Variants in NAALADL2 observed in about 807,000 individuals in gnomAD.
NAALADL2 encodes N-acetylated alpha-linked acidic dipeptidase like 2.
NAALADL2 carries 76 observed loss-of-function variants against 87.2 expected under a neutral mutation model. The ratio of observed to expected loss-of-function variants is 0.87; its 90% CI spans 0.72 to 1.05. The LOEUF (loss-of-function observed/expected upper bound fraction) is 1.05. NAALADL2 is among the 50% of genes least tolerant of loss of function. The pLI, the probability that NAALADL2 is intolerant of heterozygous loss-of-function variation, is 0.00. For missense variants in NAALADL2, 1,089 were observed against 945.8 expected, an observed-to-expected ratio of 1.15 and a Z score of -1.99; for synonymous variants, 354 against 331.0, an observed-to-expected ratio of 1.07 and a Z score of -0.75.
intron 1 of NAALADL2, among the ~76,000 whole-genome samples, chr3:174,944,441 GA>G (rs750113596): frequency 2.0e-5 from 3 of 152,086 alleles, no homozygotes; most frequent in Non-Finnish European, 4.4e-5. Context: ...CCTCCCCCGG[GA>G]GCTCTGTCTC....
intron 5 of NAALADL2, among the ~76,000 whole-genome samples, chr3:175,370,802 TTTCA>T (rs1422682140): frequency 3.9e-5 from 6 of 152,218 alleles, no homozygotes; most frequent in Admixed American, 3.9e-4. Context: ...ACTTTTTTTC[TTTCA>T]TTGTTTTCAA....
chr3:174,995,460 C>T (rs1024503503), intron 1 of NAALADL2, among the ~76,000 whole-genome samples: 2 of 152,106 alleles, frequency 1.3e-5, no homozygotes, highest in African/African-American at 2.4e-5. Context: ...AGCCATTTCT[C>T]CTATTGAACA....
chr3:175,429,205 A>ACT (rs1297752271), intron 5 of NAALADL2, among the ~76,000 whole-genome samples: 22 of 132,080 alleles, frequency 1.7e-4, no homozygotes, highest in Non-Finnish European at 1.0e-4. Context: ...ACACACACAC[A>ACT]CACACATATA....
chr3:175,431,273 A>C (rs1717709372), intron 5 of NAALADL2, among the ~76,000 whole-genome samples: 3 of 152,066 alleles, frequency 2.0e-5, no homozygotes, highest in Admixed American at 2.0e-4. Context: ...CAGAAATGTC[A>C]ATTTTCTTTC....
intron 11 of NAALADL2, among the ~76,000 whole-genome samples, chr3:175,722,370 A>G: frequency 6.6e-6 from 1 of 152,110 alleles, no homozygotes. Flanking sequence ...AAGTTATTCC[A>G]TGAATGACAT....
Position 175,031,811 on chromosome 3 carries a change from T to G in NAALADL2, c.44-64979T>G, listed in dbSNP as rs371703627. The stretch of plus-strand genomic sequence containing the variant: ...TTTTACTTTTTAATAATAACCATTC[T>G]GACTGGTGTGAGATGGTATCTCATT... On this transcript the variant is annotated intron_variant, in intron 1 of 13. Transcript: ENST00000454872. 6.6e-4 allele frequency among the ~76,000 whole-genome samples: 101 copies of G among 152,220 alleles called. No individual in the cohort carries two copies. In the East Asian group the frequency reaches 0.018, roughly 27 times the overall value.
chr3:175,620,209 A>G (rs1392074844), intron 10 of NAALADL2, among the ~76,000 whole-genome samples: 1 of 151,950 alleles, frequency 6.6e-6, no homozygotes. Context: ...GGCTGCTGCA[A>G]CCTCTACCTG....
intron 1 of NAALADL2, among the ~76,000 whole-genome samples, chr3:175,095,028 C>T (rs1426868150): frequency 6.6e-6 from 1 of 151,994 alleles, no homozygotes; most frequent in Non-Finnish European, 1.5e-5. Context: ...GACCCTGTGT[C>T]GTAGGGAAGT....
intron 3 of NAALADL2, among the ~76,000 whole-genome samples, chr3:174,779,566 T>C (rs945880847): frequency 1.3e-5 from 2 of 152,194 alleles, no homozygotes; most frequent in Non-Finnish European, 2.9e-5. Flanking sequence ...ATGTCCTGAA[T>C]GGTATTGCCT....
At chr3:175,533,005 A>G (rs1560714670) in intron 9 of NAALADL2, among the ~76,000 whole-genome samples, 1 of 152,250 alleles carries the variant, frequency 6.6e-6, no homozygotes, top group Non-Finnish European at 1.5e-5. Context: ...TCATTAAACC[A>G]AAGGGAGATC....
chr3:175,452,489 A>G (rs1721729057), intron 6 of NAALADL2, among the ~76,000 whole-genome samples: 1 of 152,210 alleles, frequency 6.6e-6, no homozygotes, highest in South Asian at 2.1e-4. Flanking sequence ...GGCTTTTCCA[A>G]TCAACATGGA....
At chr3:174,573,205 G>C (rs1715134512) in intron 2 of NAALADL2, among the ~76,000 whole-genome samples, 1 of 152,134 alleles carries the variant, frequency 6.6e-6, no homozygotes, top group Admixed American at 6.5e-5. Flanking sequence ...ATGTCTCACA[G>C]CTGGCAGTCT....
At chr3:175,285,890 TAAGAA>T (rs1303578503) in intron 4 of NAALADL2, among the ~76,000 whole-genome samples, 1 of 152,176 alleles carries the variant, frequency 6.6e-6, no homozygotes, top group Non-Finnish European at 1.5e-5. Flanking sequence ...TAAATTTGAT[TAAGAA>T]AATAAGTGCT....
chr3:175,368,567 G>A (rs1404840163), intron 5 of NAALADL2, among the ~76,000 whole-genome samples: 3 of 145,554 alleles, frequency 2.1e-5, no homozygotes, highest in Non-Finnish European at 3.0e-5. Context: ...TAGCAGGTGT[G>A]TGTGAGTGTG....
intron 2 of NAALADL2, among the ~76,000 whole-genome samples, chr3:175,223,131 T>G (rs1045922923): frequency 3.7e-4 from 54 of 145,370 alleles, no homozygotes; most frequent in Non-Finnish European, 6.6e-4. Context: ...TGTGTGTGTG[T>G]GGTAAGGACA....
intron 1 of NAALADL2, among the ~76,000 whole-genome samples, chr3:174,885,886 T>G (rs1011104921): frequency 1.7e-3 from 24 of 13,760 alleles, no homozygotes; most frequent in African/African-American, 4.5e-3. Flanking sequence ...GTTTTTTTTT[T>G]TTTTTTTTTT....
At chr3:175,696,244 A>C (rs1300233822) in intron 11 of NAALADL2, among the ~76,000 whole-genome samples, 1 of 152,174 alleles carries the variant, frequency 6.6e-6, no homozygotes, top group Non-Finnish European at 1.5e-5. Flanking sequence ...TGAAAGATAA[A>C]AATGAGCCAG....
intron 1 of NAALADL2, among the ~76,000 whole-genome samples, chr3:174,496,530 A>G (rs1718553063): frequency 7.0e-6 from 1 of 142,640 alleles, no homozygotes; most frequent in Admixed American, 7.3e-5. Context: ...ATATATATAT[A>G]TGTAAGAATT....
At chr3:175,417,462 A>T (rs953248500) in intron 5 of NAALADL2, among the ~76,000 whole-genome samples, 10 of 152,104 alleles carry the variant, frequency 6.6e-5, no homozygotes, top group Non-Finnish European at 1.5e-4. Flanking sequence ...ATAATTTTTT[A>T]AAACTATTTT....
Sources: gnomAD v4.1 joint callset for allele counts (sites outside exome capture counted in the v4.1 genomes callset) on GRCh38, gnomAD v4.1.1 for gene constraint, MANE v1.5 for transcripts, NCBI Gene and HGNC (gene_info 2026-07-23, HGNC 2026-07-21) for gene names.